CSGALNACT1: variants seen among roughly 807,000 people sequenced by gnomAD.
The protein encoded by CSGALNACT1 is beta4GalNAcT-1.
Under a neutral mutation model 51.0 loss-of-function variants are expected in CSGALNACT1, and 52 were observed. The observed-to-expected ratio is 1.02, with a 90% CI of 0.82 to 1.29. CSGALNACT1 has a LOEUF of 1.29. CSGALNACT1 is among the 50% of genes most tolerant of loss of function. The probability of loss-of-function intolerance (pLI) is 0.00; values close to 1 mark genes in which losing one functional copy is unlikely to be tolerated. For missense variants in CSGALNACT1, 935 were observed against 679.2 expected (o/e 1.38, Z -4.19); for synonymous variants, 341 against 254.4 (o/e 1.34, Z -3.24).
intron 1 of CSGALNACT1, among the ~76,000 whole-genome samples, chr8:19,645,847 GC>G (rs1352137574): frequency 6.6e-6 from 1 of 152,076 alleles, no homozygotes; most frequent in Non-Finnish European, 1.5e-5. Flanking sequence ...GGCAGTGCTG[GC>G]CTGGGCTCTC....
intron 4 of CSGALNACT1, among the ~76,000 whole-genome samples, chr8:19,459,554 G>T (rs2064925710): frequency 6.6e-6 from 1 of 152,052 alleles, no homozygotes; most frequent in Admixed American, 6.6e-5. Flanking sequence ...ATTCAGTACA[G>T]TGGTATCAAT....
intron 1 of CSGALNACT1, among the ~76,000 whole-genome samples, chr8:19,664,665 A>G (rs1364830612): frequency 1.4e-5 from 2 of 146,138 alleles, no homozygotes. Flanking sequence ...ACACACACAC[A>G]TACACACATA....
rs943378186 is a variant in CSGALNACT1 at position 19,516,092 on chromosome 8, G to T, written c.-296-9962C>A. Among the ~76,000 whole-genome samples the T allele has an allele frequency of 7.2e-5, 11 of 152,298 alleles. No homozygotes were observed. The South Asian group carries it at 2.3e-3, about 32-fold the overall frequency. On this transcript the variant is annotated intron_variant, in intron 3 of 9. Coordinates refer to ENST00000454498, the Ensembl canonical transcript of CSGALNACT1. ...TCTCACCCCAAACTGAGAACCGCAT[G>T]AAACCAGCCTTCCAACACCCTCCCC...
intron 1 of CSGALNACT1, among the ~76,000 whole-genome samples, chr8:19,668,384 T>C (rs991734935): frequency 2.2e-4 from 34 of 152,004 alleles, no homozygotes; most frequent in African/African-American, 8.2e-4. Flanking sequence ...AGGCAATCAT[T>C]CCACATGAGC....
At chr8:19,615,963 T>A (rs981219155) in intron 1 of CSGALNACT1, among the ~76,000 whole-genome samples, 4 of 152,222 alleles carry the variant, frequency 2.6e-5, no homozygotes, top group African/African-American at 9.6e-5. Context: ...ATCATAGATG[T>A]TACAGCCAAA....
intron 8 of CSGALNACT1, among the ~76,000 whole-genome samples, chr8:19,416,940 A>T (rs887360249): frequency 6.6e-6 from 1 of 151,814 alleles, no homozygotes; most frequent in South Asian, 2.1e-4. Flanking sequence ...TCAGCTCACT[A>T]CAGCCTCTGC....
At chr8:19,569,415 T>G (rs1418275780) in intron 3 of CSGALNACT1, among the ~76,000 whole-genome samples, 1 of 152,178 alleles carries the variant, frequency 6.6e-6, no homozygotes, top group African/African-American at 2.4e-5. Context: ...TGTCCTTTTA[T>G]AGACCTTGTG....
intron 4 of CSGALNACT1, among the ~76,000 whole-genome samples, chr8:19,489,693 T>G (rs2073930764): frequency 6.6e-6 from 1 of 152,200 alleles, no homozygotes; most frequent in Non-Finnish European, 1.5e-5. Flanking sequence ...ATAAGGAATC[T>G]TTGCACCATC....
At chr8:19,438,100 G>A (rs1002140365) in intron 6 of CSGALNACT1, among the ~76,000 whole-genome samples, 3 of 148,488 alleles carry the variant, frequency 2.0e-5, no homozygotes, top group Non-Finnish European at 3.0e-5. Context: ...TGATGTGCTG[G>A]AAATCTGCCA....
chr8:19,574,338 G>A (rs1004521719), intron 3 of CSGALNACT1, among the ~76,000 whole-genome samples: 3 of 152,144 alleles, frequency 2.0e-5, no homozygotes, highest in African/African-American at 7.2e-5. Flanking sequence ...TAGTGCCAAT[G>A]GTCTCTTGCA....
intron 3 of CSGALNACT1, among the ~76,000 whole-genome samples, chr8:19,586,272 T>G (rs2046616039): frequency 6.7e-6 from 1 of 150,218 alleles, no homozygotes; most frequent in South Asian, 2.1e-4. Flanking sequence ...AGCAGAAGAG[T>G]CGCTTGAACC....
chr8:19,518,539 T>A (rs1409014782), intron 3 of CSGALNACT1, among the ~76,000 whole-genome samples: 1 of 152,192 alleles, frequency 6.6e-6, no homozygotes, highest in East Asian at 1.9e-4. Context: ...GACTGCCTCC[T>A]CAAACCAGAC....
chr8:19,657,223 C>T (rs556019085), intron 1 of CSGALNACT1, among the ~76,000 whole-genome samples: 2 of 100,264 alleles, frequency 2.0e-5, no homozygotes, highest in Admixed American at 1.2e-4. Flanking sequence ...GAGAAAGACA[C>T]AGATAAACTG....
intron 1 of CSGALNACT1, among the ~76,000 whole-genome samples, chr8:19,751,396 G>A (rs898639824): frequency 3.3e-5 from 5 of 152,278 alleles, no homozygotes; most frequent in South Asian, 2.1e-4. Flanking sequence ...AGTGTTAACC[G>A]TTTTTATCAT....
intron 2 of CSGALNACT1, among the ~76,000 whole-genome samples, chr8:19,595,730 G>A (rs115188186): frequency 0.024 from 3,650 of 151,954 alleles, 158 homozygotes; most frequent in African/African-American, 0.083. Context: ...CAATTGAACT[G>A]TTTGTTTCCA....
intron 1 of CSGALNACT1, among the ~76,000 whole-genome samples, chr8:19,647,960 C>T (rs1206595623): frequency 6.6e-6 from 1 of 152,178 alleles, no homozygotes; most frequent in Non-Finnish European, 1.5e-5. Flanking sequence ...GACAGTACTG[C>T]TAAGCCAAGG....
At position 19,458,445 on chromosome 8, in the gene CSGALNACT1, G is replaced by A; in HGVS notation, c.832C>T (p.Gln278Ter). 6.2e-7 allele frequency: 1 copy of A among 1,614,136 alleles called. No individual in the cohort carries two copies. The highest frequency in any genetic ancestry group is 8.5e-7 in the Non-Finnish European group (1 of 1,179,972). The change falls in exon 5 of 10, where the codon CAG becomes TAG. Residue 278 changes from glutamine (Q) to a stop codon, truncating the protein, a stop_gained. Coordinates refer to ENST00000454498, the Ensembl canonical transcript of CSGALNACT1. LOFTEE classifies it high-confidence loss of function. Reference sequence around the variant, plus strand: ...ACCAACCTGAAATTCTGCATGAACTGCCGGAACTTGTCCACCCTTTTTGCT... The same window carrying A: ...ACCAACCTGAAATTCTGCATGAACTACCGGAACTTGTCCACCCTTTTTGCT...
At chr8:19,660,820 G>A (rs973070785) in intron 1 of CSGALNACT1, among the ~76,000 whole-genome samples, 1 of 152,110 alleles carries the variant, frequency 6.6e-6, no homozygotes, top group Admixed American at 6.5e-5. Flanking sequence ...TCTACACACA[G>A]GAAAACACAA....
rs555220154 is a variant in CSGALNACT1, at chr8:19,461,263, C to T, written c.635-2621G>A. 9.2e-5 allele frequency among the ~76,000 whole-genome samples: 14 copies of T among 152,336 alleles called. No individual in the cohort carries two copies. The East Asian group carries it at 9.6e-4, about 10-fold the overall frequency. On this transcript the variant is annotated intron_variant, in intron 4 of 9. Transcript: ENST00000454498. ...AACGTTAAGTGTTTCCCTTCAAAGA[C>T]GGTTCATTCCTTCAGGAATGTAGTG...
Sources: allele counts gnomAD v4.1 joint callset (sites outside exome capture counted in the v4.1 genomes callset), GRCh38; gene constraint gnomAD v4.1.1; transcripts MANE v1.5; gene names NCBI Gene and HGNC (gene_info 2026-07-23, HGNC 2026-07-21).